The following MCM3AP variants were observed in gnomAD, a reference collection of about 807,000 sequenced individuals.
MCM3AP encodes minichromosome maintenance complex component 3 associated protein.
In MCM3AP, 126 loss-of-function variants were observed where a neutral mutation model predicts 184.1. The observed-to-expected ratio is 0.68, with a 90% CI of 0.59 to 0.79. MCM3AP has a LOEUF of 0.79. Ranked by LOEUF, MCM3AP falls within the 30% of genes least tolerant of loss-of-function variation. The pLI is 0.00. For missense variants in MCM3AP, 2,496 were observed against 2,479.2 expected, an observed-to-expected ratio of 1.01 and a Z score of -0.14; for synonymous variants, 1,002 against 979.3, an observed-to-expected ratio of 1.02 and a Z score of -0.43.
At chr21:46,243,289 C>G in intron 24 of MCM3AP, 176 bp downstream of exon 24, 2 of 827,282 alleles carry the variant, frequency 2.4e-6, no homozygotes, top group Non-Finnish European at 3.8e-6. Flanking sequence ...CTACCAGAAA[C>G]TTCCTAGCCT....
intron 17 of MCM3AP, among the ~76,000 whole-genome samples, chr21:46,256,307 G>T (rs1205114905): frequency 1.3e-5 from 2 of 152,162 alleles, no homozygotes; most frequent in African/African-American, 4.8e-5. Flanking sequence ...CACACCAAGG[G>T]GCCTCAAGAG....
At chr21:46,281,026 G>A (rs1054179599) in intron 2 of MCM3AP, among the ~76,000 whole-genome samples, 1 of 152,176 alleles carries the variant, frequency 6.6e-6, no homozygotes, top group African/African-American at 2.4e-5. Flanking sequence ...GGATGGTCTT[G>A]ATCTCCTGAC....
Position 46,245,187 on chromosome 21 carries a change from G to A in MCM3AP, c.4658C>T (p.Ala1553Val). The change falls in exon 23 of 28, where the codon GCA (alanine) becomes GTA (valine). Residue 1553 changes from alanine to valine, a missense_variant. Ala to Val is a moderately conservative substitution (Grantham distance 64). Around this residue, in one of 5 missense-constraint regions of MCM3AP, gnomAD observed 1,323 missense variants for 1,273.4 expected, o/e 1.04. Transcript: ENST00000291688. ...DLQGSTKVLQ[A>V]VQWLVSHCPH... ...GCAGTGGGAAACCAGCCACTGCACTGCTTGCAAAACCTGAGAAGAAAGAAG... is the reference window on the plus strand; with the variant it reads ...GCAGTGGGAAACCAGCCACTGCACTACTTGCAAAACCTGAGAAGAAAGAAG... 1 of 1,597,470 alleles carries A rather than the reference G, an allele frequency of 6.3e-7. No individual in the cohort carries two copies. Among genetic ancestry groups the A allele is most frequent in the South Asian group, 1.1e-5 (1 of 89,276 alleles).
intron 19 of MCM3AP, chr21:46,252,211 A>G (rs2080884057): frequency 6.6e-6 from 1 of 152,426 alleles, no homozygotes; most frequent in Non-Finnish European, 1.5e-5. Context: ...ACTCCATTCC[A>G]TTAGAATGGA....
intron 19 of MCM3AP, chr21:46,253,549 G>C (rs1165594760): frequency 6.6e-6 from 1 of 152,228 alleles, no homozygotes; most frequent in Non-Finnish European, 1.5e-5. Flanking sequence ...ACGAGATCTG[G>C]TTAAGTGTGT....
intron 20 of MCM3AP, chr21:46,249,438 T>C: frequency 8.3e-6 from 3 of 360,336 alleles, no homozygotes; most frequent in South Asian, 6.3e-5. Context: ...ATCCGCTCAC[T>C]TCGGCCTCCC....
chr21:46,246,915 G>A, intron 20 of MCM3AP, 29 bp from the exon 21 acceptor site: 1 of 1,608,888 alleles, frequency 6.2e-7, no homozygotes, highest in Non-Finnish European at 8.5e-7. Context: ...CATCAGGAGA[G>A]ATGCACCATG....
rs2145707063 is a variant in MCM3AP, at chr21:46,277,093, T to C, written c.1858+434A>G. ...AAAAAAATTGGCTAAGAGAAGTACC[T>C]GTGTTTTTTCCTTTTATTTTTGGTC... On this transcript the variant is annotated intron_variant, in intron 5 of 27. Coordinates refer to ENST00000291688, the MANE Select transcript of MCM3AP (RefSeq NM_003906.5). Among the ~76,000 whole-genome samples the C allele has an allele frequency of 1.3e-5, 2 of 152,274 alleles. 1 individual carries two copies. The highest frequency in any genetic ancestry group is 4.8e-5 in the African/African-American group (2 of 41,546).
chr21:46,273,675 C>A, intron 6 of MCM3AP, 90 bp from the exon 7 acceptor site: 1 of 853,280 alleles, frequency 1.2e-6, no homozygotes. Flanking sequence ...AAATCACATA[C>A]ACACCCACAC....
At chr21:46,268,607 T>C (rs1324266419) in intron 9 of MCM3AP, among the ~76,000 whole-genome samples, 1 of 152,082 alleles carries the variant, frequency 6.6e-6, no homozygotes, top group Non-Finnish European at 1.5e-5. Flanking sequence ...GCTCTGCGAG[T>C]GTGGAACAGC....
chr21:46,258,015 C>T (rs1174375826), intron 16 of MCM3AP, among the ~76,000 whole-genome samples: 1 of 152,048 alleles, frequency 6.6e-6, no homozygotes, highest in African/African-American at 2.4e-5. Context: ...ACCTCAAGAC[C>T]ACTGGCAACG....
At chr21:46,242,704 G>T in intron 25 of MCM3AP, 98 bp downstream of exon 25, 2 of 1,244,270 alleles carry the variant, frequency 1.6e-6, no homozygotes, top group Non-Finnish European at 2.3e-6. Context: ...TCTGCCCACA[G>T]TGGACTGGAT....
Position 46,254,509 on chromosome 21 carries a change from G to A in MCM3AP, c.4019C>T (p.Ser1340Phe). ...AGCCACGAGGGATGGCAGGTCCAGA[G>A]ACGCCCATGCCACATCACTGGGAGG... The part of the protein sequence containing the change: ...QQLLSDVAWA[S>F]LDLPSLVAEH... Residue 1340 changes from serine to phenylalanine, a missense_variant, in exon 19 of 28, where the codon TCT (serine) becomes TTT (phenylalanine). Transcript: ENST00000291688. The A allele has an allele frequency of 6.2e-7, 1 of 1,614,096 alleles. No homozygotes were observed. Among genetic ancestry groups the A allele is most frequent in the Non-Finnish European group, 8.5e-7 (1 of 1,180,040 alleles).
chr21:46,264,543 C>T (rs1601523968), intron 12 of MCM3AP, among the ~76,000 whole-genome samples: 1 of 152,158 alleles, frequency 6.6e-6, no homozygotes, highest in East Asian at 1.9e-4. Flanking sequence ...GTGCCTGCCC[C>T]GAAGCAGCCA....
chr21:46,270,111 C>CT (rs1379395584), intron 9 of MCM3AP, among the ~76,000 whole-genome samples: 1 of 152,312 alleles, frequency 6.6e-6, no homozygotes, highest in East Asian at 1.9e-4. Context: ...TTTTAGTTAG[C>CT]TTTCATGGAT....
Position 46,285,236 on chromosome 21 carries a change from C to A in MCM3AP, c.51G>T (p.Ala17=), listed in dbSNP as rs1448612451. Residue 17 remains alanine (A), a synonymous_variant, in exon 1 of 28, where the codon GCG becomes GCT. Transcript: ENST00000291688. Reference sequence around the variant, plus strand: ...GAAGTGTTCCTACATTACTAGAAGACGCCGAAAAAGCACTAGGCTGCTGCC... The same window carrying A: ...GAAGTGTTCCTACATTACTAGAAGAAGCCGAAAAAGCACTAGGCTGCTGCC... ...FSGQQPSAFS[A]SSSNVGTLPS... 6.2e-7 allele frequency: 1 copy of A among 1,613,998 alleles called. No homozygotes were observed. The highest frequency in any genetic ancestry group is 1.3e-5 in the African/African-American group (1 of 74,928).
In MCM3AP at chr21:46,261,318, C is replaced by T. The variant is rs1251975300; in HGVS notation, c.3429G>A (p.Glu1143=). The change falls in exon 14 of 28, where the codon GAG becomes GAA. Residue 1143 remains glutamate (E), a synonymous_variant. Coordinates refer to ENST00000291688, the MANE Select transcript of MCM3AP (RefSeq NM_003906.5). ...IAAEEVSKER[E]RREQERQRAE... ...CCCGCTGCCTCTCCTGCTCCCTTCGCTCTCTTTCCTTAGACACTTCTTCAG... is the reference window on the plus strand; with the variant it reads ...CCCGCTGCCTCTCCTGCTCCCTTCGTTCTCTTTCCTTAGACACTTCTTCAG... 1.2e-6 allele frequency: 2 copies of T among 1,614,208 alleles called. No homozygotes were observed. The highest frequency in any genetic ancestry group is 1.7e-6 in the Non-Finnish European group (2 of 1,180,046).
At position 46,270,574 on chromosome 21, in the gene MCM3AP, A is replaced by C; in HGVS notation, c.2466-11T>G. The C allele has an allele frequency of 6.3e-7, 1 of 1,578,286 alleles. No individual in the cohort carries two copies. Among genetic ancestry groups the C allele is most frequent in the Non-Finnish European group, 8.6e-7 (1 of 1,164,128 alleles). On this transcript the variant is annotated splice_polypyrimidine_tract_variant and intron_variant, in intron 8 of 27. Coordinates refer to ENST00000291688, the MANE Select transcript of MCM3AP (RefSeq NM_003906.5). ...AACTGTTGTACTTCTCTGTTAATTA[A>C]AGGAGAGAAAAGGGGTTGGAATGTT...
intron 20 of MCM3AP, 194 bp downstream of exon 20, chr21:46,251,335 C>T (rs2080864304): frequency 4.6e-6 from 2 of 430,156 alleles, no homozygotes; most frequent in Non-Finnish European, 8.2e-6. Context: ...GCTTGGTGCC[C>T]ACTACTCAAT....
Sources: gnomAD v4.1 joint callset for allele counts (sites outside exome capture counted in the v4.1 genomes callset) on GRCh38, gnomAD v4.1.1 for gene constraint, gnomAD v4.1.1 regional missense constraint, MANE v1.5 for transcripts, NCBI Gene and HGNC (gene_info 2026-07-23, HGNC 2026-07-21) for gene names.